The following PLEKHA6 variants were observed in gnomAD, a reference collection of about 807,000 sequenced individuals.
PLEKHA6 encodes the protein pleckstrin homology domain-containing family A member 6.
Under a neutral mutation model 116.7 loss-of-function variants are expected in PLEKHA6, and 60 were observed. The ratio of observed to expected loss-of-function variants is 0.51; its 90% CI spans 0.42 to 0.64. PLEKHA6 has a LOEUF of 0.64. PLEKHA6 is among the 30% of genes least tolerant of loss of function. The pLI is 0.00. For synonymous variants in PLEKHA6, 489 were observed against 556.1 expected, an observed-to-expected ratio of 0.88 and a Z score of 1.70; for missense variants, 1,338 against 1,422.7, an observed-to-expected ratio of 0.94 and a Z score of 0.96.
chr1:204,272,809 A>G (rs114848352), intron 3 of PLEKHA6, among the ~76,000 whole-genome samples: 366 of 152,336 alleles, frequency 2.4e-3, no homozygotes, highest in Non-Finnish European at 3.8e-3. Flanking sequence ...TTTACTCAAC[A>G]TTATATTTTC....
At chr1:204,279,634 C>A (rs1011988027) in intron 1 of PLEKHA6, among the ~76,000 whole-genome samples, 1 of 152,086 alleles carries the variant, frequency 6.6e-6, no homozygotes, top group African/African-American at 2.4e-5. Flanking sequence ...GGAGATTGTG[C>A]GGTGGAGGTA....
At position 204,277,427 on chromosome 1, in the gene PLEKHA6, G is replaced by A. The variant is rs568367265; in HGVS notation, c.-94-2618C>T. Among the ~76,000 whole-genome samples the A allele has an allele frequency of 7.2e-4, 109 of 152,218 alleles. No individual in the cohort carries two copies. The highest frequency in any genetic ancestry group is 4.1e-3 in the South Asian group (20 of 4,824). On this transcript the variant is annotated intron_variant, in intron 1 of 22. Coordinates refer to ENST00000272203, the MANE Select transcript of PLEKHA6 (RefSeq NM_014935.5). This position sits in a 1 kb window ranked among gnomAD's most constrained non-coding sequence, Gnocchi z 4.1. ...CAGGTGTAGCACTCCCAGGTAGTCC[G>A]ACCTCAGTGAGCTAAGGACGCAGAG... is the stretch of plus-strand genomic sequence containing the variant.
chr1:204,301,319 C>G, intron 1 of PLEKHA6: 1 of 958,950 alleles, frequency 1.0e-6, no homozygotes, highest in Non-Finnish European at 1.2e-6. Flanking sequence ...GTTCCTGCAG[C>G]CTGGAGCTGG....
chr1:204,317,907 C>T (rs565831824), intron 1 of PLEKHA6, among the ~76,000 whole-genome samples: 1 of 152,284 alleles, frequency 6.6e-6, no homozygotes, highest in South Asian at 2.1e-4. Flanking sequence ...TAACAGTATC[C>T]ACCTCATATC....
chr1:204,258,986 C>T (rs184910830), intron 8 of PLEKHA6, among the ~76,000 whole-genome samples: 3 of 152,314 alleles, frequency 2.0e-5, no homozygotes, highest in Non-Finnish European at 2.9e-5. Flanking sequence ...CTCCCCAGCA[C>T]GCCGTGGAGA....
intron 1 of PLEKHA6, among the ~76,000 whole-genome samples, chr1:204,330,985 A>G (rs1192557501): frequency 6.6e-6 from 1 of 152,194 alleles, no homozygotes; most frequent in Non-Finnish European, 1.5e-5. Context: ...ACCTGAGGTC[A>G]GGAGTTCGAG....
intron 1 of PLEKHA6, among the ~76,000 whole-genome samples, chr1:204,349,629 G>A (rs894826978): frequency 2.0e-5 from 3 of 152,080 alleles, no homozygotes; most frequent in African/African-American, 7.2e-5. Context: ...AGGGTGGGCT[G>A]TGGACCTGAG....
intron 1 of PLEKHA6, among the ~76,000 whole-genome samples, chr1:204,352,693 AT>A (rs1002651435): frequency 6.6e-6 from 1 of 151,918 alleles, no homozygotes; most frequent in Non-Finnish European, 1.5e-5. Context: ...GAGTTTAAAA[AT>A]TTTTTTTTGA....
At chr1:204,242,553 C>G (rs938702803) in intron 15 of PLEKHA6, among the ~76,000 whole-genome samples, 1 of 152,176 alleles carries the variant, frequency 6.6e-6, no homozygotes, top group Non-Finnish European at 1.5e-5. Flanking sequence ...ACTCTTTCTA[C>G]TCACCACACA....
intron 13 of PLEKHA6, among the ~76,000 whole-genome samples, chr1:204,246,398 G>A (rs552708495): frequency 6.6e-6 from 1 of 152,314 alleles, no homozygotes; most frequent in East Asian, 1.9e-4. Context: ...TGGACCCGAA[G>A]TTAGCGCCCT....
intron 1 of PLEKHA6, among the ~76,000 whole-genome samples, chr1:204,328,501 C>A (rs900156187): frequency 1.3e-5 from 2 of 152,002 alleles, no homozygotes; most frequent in Non-Finnish European, 2.9e-5. Flanking sequence ...GGTTTCCCTG[C>A]CTCAGCCTCT....
intron 1 of PLEKHA6, among the ~76,000 whole-genome samples, chr1:204,333,236 A>G (rs1672524570): frequency 6.6e-6 from 1 of 152,186 alleles, no homozygotes; most frequent in Non-Finnish European, 1.5e-5. Flanking sequence ...TGGCCCTGGC[A>G]TTTGTGTTTG....
At chr1:204,320,111 T>C (rs992184252) in intron 1 of PLEKHA6, among the ~76,000 whole-genome samples, 1 of 152,180 alleles carries the variant, frequency 6.6e-6, no homozygotes, top group African/African-American at 2.4e-5. Flanking sequence ...ATCATCCTTA[T>C]TCTCTCCTTT....
chr1:204,307,795 T>C, intron 1 of PLEKHA6: 2 of 867,204 alleles, frequency 2.3e-6, no homozygotes, highest in Non-Finnish European at 2.8e-6. Flanking sequence ...GTGCAGGCAC[T>C]GGGAGAGAGC....
At chr1:204,311,763 T>G (rs76672507) in intron 1 of PLEKHA6, 37,419 of 648,486 alleles carry the variant, frequency 0.058, 1,158 homozygotes, top group Non-Finnish European at 0.064. Flanking sequence ...AGCCCTAAGA[T>G]TACACTCTAA....
intron 8 of PLEKHA6, among the ~76,000 whole-genome samples, chr1:204,258,750 C>T (rs1417063234): frequency 6.6e-6 from 1 of 152,198 alleles, no homozygotes; most frequent in Non-Finnish European, 1.5e-5. Context: ...TCATAGATGG[C>T]CATGTTGGGA....
At chr1:204,325,019 G>A (rs73079550) in intron 1 of PLEKHA6, among the ~76,000 whole-genome samples, 5,201 of 152,130 alleles carry the variant, frequency 0.034, 272 homozygotes, top group African/African-American at 0.12. Context: ...CCAGGTTCAC[G>A]CCATTCTCCT....
At chr1:204,365,279 C>A (rs897141489) in intron 3 of PLEKHA6, among the ~76,000 whole-genome samples, 3 of 152,102 alleles carry the variant, frequency 2.0e-5, no homozygotes, top group Non-Finnish European at 4.4e-5. Flanking sequence ...AATAATATGA[C>A]CAAATTTGAA....
At chr1:204,302,363 G>A (rs1670900583) in intron 1 of PLEKHA6, among the ~76,000 whole-genome samples, 1 of 152,210 alleles carries the variant, frequency 6.6e-6, no homozygotes, top group Non-Finnish European at 1.5e-5. Context: ...CATGTGTCAT[G>A]TTGCCCAGGC....
Sources: allele counts gnomAD v4.1 joint callset (sites outside exome capture counted in the v4.1 genomes callset), GRCh38; gene constraint gnomAD v4.1.1; non-coding constraint Gnocchi (gnomAD v3.1); transcripts MANE v1.5; gene names NCBI Gene and HGNC (gene_info 2026-07-23, HGNC 2026-07-21).